The following ROBO1 variants were observed in gnomAD, a reference collection of about 807,000 sequenced individuals.
ROBO1 encodes the protein roundabout homolog 1.
Under a neutral mutation model 195.9 loss-of-function variants are expected in ROBO1, and 149 were observed. That is an observed-to-expected ratio of 0.76 (90% CI 0.67 to 0.87). The LOEUF (loss-of-function observed/expected upper bound fraction) is 0.87. Ranked by LOEUF, ROBO1 falls within the 40% of genes least tolerant of loss-of-function variation. ROBO1 has a pLI of 0.00. For missense variants in ROBO1, 1,933 were observed against 2,068.3 expected (o/e 0.93, Z 1.27); for synonymous variants, 816 against 733.2 (o/e 1.11, Z -1.82).
At chr3:79,674,914 T>TA (rs1946741452) in intron 1 of ROBO1, among the ~76,000 whole-genome samples, 1 of 151,672 alleles carries the variant, frequency 6.6e-6, no homozygotes, top group Non-Finnish European at 1.5e-5. Flanking sequence ...AATTTTTAGT[T>TA]AAAAAACTAG....
At chr3:79,149,850 A>G (rs79534105) in intron 2 of ROBO1, among the ~76,000 whole-genome samples, 3,385 of 151,882 alleles carry the variant, frequency 0.022, 125 homozygotes, top group African/African-American at 0.075. Context: ...AGGCCCTTAT[A>G]AAAGAGTTAC....
chr3:79,718,856 T>C (rs979622983), intron 1 of ROBO1, among the ~76,000 whole-genome samples: 11 of 152,220 alleles, frequency 7.2e-5, no homozygotes, highest in South Asian at 6.2e-4. Flanking sequence ...TTCAAGCCAC[T>C]GTAAACATTT....
chr3:79,024,602 G>C (rs1435628311), intron 3 of ROBO1, among the ~76,000 whole-genome samples: 1 of 152,182 alleles, frequency 6.6e-6, no homozygotes, highest in East Asian at 1.9e-4. Context: ...GGAGACTTCA[G>C]ATTCAATACG....
intron 2 of ROBO1, among the ~76,000 whole-genome samples, chr3:79,497,037 A>C (rs928631589): frequency 2.6e-5 from 4 of 152,212 alleles, no homozygotes; most frequent in African/African-American, 9.6e-5. Flanking sequence ...ACTCATATTT[A>C]GATTTTTTTA....
chr3:79,011,659 T>TA (rs2108213941), intron 3 of ROBO1, among the ~76,000 whole-genome samples: 1 of 147,944 alleles, frequency 6.8e-6, no homozygotes, highest in Non-Finnish European at 1.5e-5. Context: ...TCATAATGTT[T>TA]TATATATATT....
intron 3 of ROBO1, among the ~76,000 whole-genome samples, chr3:79,050,705 C>T (rs958262619): frequency 1.2e-4 from 18 of 152,290 alleles, no homozygotes; most frequent in Admixed American, 2.6e-4. Context: ...TCACAACAAA[C>T]TGTCTCTCAG....
chr3:79,619,067 A>G (rs1944917053), intron 1 of ROBO1, among the ~76,000 whole-genome samples: 1 of 152,070 alleles, frequency 6.6e-6, no homozygotes, highest in Non-Finnish European at 1.5e-5. Context: ...ACCTGCCCTC[A>G]TCATTCACCC....
chr3:78,894,184 T>C (rs2037095589), intron 4 of ROBO1, among the ~76,000 whole-genome samples: 1 of 152,144 alleles, frequency 6.6e-6, no homozygotes, highest in Non-Finnish European at 1.5e-5. Context: ...AATATCTCCC[T>C]AAGCCAACAC....
chr3:79,067,043 GT>G (rs1446904496), intron 3 of ROBO1, among the ~76,000 whole-genome samples: 6 of 151,804 alleles, frequency 4.0e-5, no homozygotes, highest in Non-Finnish European at 5.9e-5. Flanking sequence ...AAAAAAATGT[GT>G]TTTTCTTGCT....
chr3:78,702,169 G>GT (rs1356236114), intron 8 of ROBO1, among the ~76,000 whole-genome samples: 3 of 152,108 alleles, frequency 2.0e-5, no homozygotes, highest in Admixed American at 6.5e-5. Context: ...CTGATGTTTG[G>GT]TATTTGCTAA....
chr3:79,516,446 A>T (rs533927423), intron 2 of ROBO1, among the ~76,000 whole-genome samples: 53 of 152,202 alleles, frequency 3.5e-4, no homozygotes, highest in South Asian at 3.1e-3. Flanking sequence ...AAGGTCTCCT[A>T]TTCACCGCTC....
chr3:79,346,617 T>A (rs760412609), intron 2 of ROBO1, among the ~76,000 whole-genome samples: 6 of 152,082 alleles, frequency 3.9e-5, no homozygotes, highest in Non-Finnish European at 7.4e-5. Context: ...TATGTAGAGA[T>A]CAATCTACTT....
chr3:78,764,727 T>G (rs1175391244), intron 4 of ROBO1, among the ~76,000 whole-genome samples: 1 of 152,118 alleles, frequency 6.6e-6, no homozygotes, highest in Non-Finnish European at 1.5e-5. Context: ...TTAGTTTACT[T>G]TCAGTTTTGA....
At chr3:79,200,942 G>A (rs973703309) in intron 2 of ROBO1, among the ~76,000 whole-genome samples, 2 of 151,842 alleles carry the variant, frequency 1.3e-5, no homozygotes, top group Non-Finnish European at 2.9e-5. Context: ...TATATAAAAT[G>A]GCTCATGTGC....
chr3:78,957,144 G>A (rs2041086503), intron 3 of ROBO1, among the ~76,000 whole-genome samples: 3 of 151,714 alleles, frequency 2.0e-5, no homozygotes, highest in African/African-American at 2.4e-5. Context: ...TTTTATTTTA[G>A]AAGTTCTGAA....
intron 3 of ROBO1, among the ~76,000 whole-genome samples, chr3:79,039,576 T>C (rs2078444097): frequency 6.6e-6 from 1 of 151,968 alleles, no homozygotes; most frequent in Non-Finnish European, 1.5e-5. Flanking sequence ...GGTGGGCAGA[T>C]CACGAGGTCA....
intron 3 of ROBO1, among the ~76,000 whole-genome samples, chr3:79,017,765 C>A (rs1330746424): frequency 2.6e-5 from 4 of 152,168 alleles, no homozygotes; most frequent in Admixed American, 1.3e-4. Context: ...AATCCCCAGG[C>A]AACTCCCCTT....
intron 2 of ROBO1, among the ~76,000 whole-genome samples, chr3:79,459,858 C>G (rs2039747025): frequency 6.6e-6 from 1 of 151,940 alleles, no homozygotes; most frequent in African/African-American, 2.4e-5. Context: ...CCAGGCAAAG[C>G]AAATGTTGGT....
chr3:78,693,671 C>G (rs951084295), intron 8 of ROBO1, among the ~76,000 whole-genome samples: 2 of 152,122 alleles, frequency 1.3e-5, no homozygotes, highest in African/African-American at 4.8e-5. Flanking sequence ...TACCAGACAA[C>G]AGGTTAGAGA....
Sources: allele counts gnomAD v4.1 joint callset (sites outside exome capture counted in the v4.1 genomes callset), GRCh38; gene constraint gnomAD v4.1.1; transcripts MANE v1.5; gene names NCBI Gene and HGNC (gene_info 2026-07-23, HGNC 2026-07-21).